CNTN5: variants seen among roughly 807,000 people sequenced by gnomAD.
CNTN5 encodes the protein contactin-5.
In CNTN5, 77 loss-of-function variants were observed where a neutral mutation model predicts 129.1. The observed-to-expected ratio is 0.60, with a 90% confidence interval of 0.50 to 0.72. The LOEUF (loss-of-function observed/expected upper bound fraction) is 0.72, where lower values mean the gene tolerates loss of function less well. CNTN5 is among the 30% of genes least tolerant of loss of function. The probability of loss-of-function intolerance (pLI) is 0.00; values close to 1 mark genes in which losing one functional copy is unlikely to be tolerated. For missense variants in CNTN5, 1,478 were observed against 1,328.8 expected, an observed-to-expected ratio of 1.11 and a Z score of -1.75; for synonymous variants, 509 against 465.6, an observed-to-expected ratio of 1.09 and a Z score of -1.20.
chr11:99,446,085 TA>T (rs35641117), intron 2 of CNTN5, among the ~76,000 whole-genome samples: 31 of 134,888 alleles, frequency 2.3e-4, no homozygotes, highest in Middle Eastern at 3.8e-3. Context: ...ACTTTGTCAT[TA>T]AAAAAAAAAA....
chr11:99,964,363 A>G (rs1023875581), intron 8 of CNTN5, among the ~76,000 whole-genome samples: 4 of 152,164 alleles, frequency 2.6e-5, no homozygotes, highest in Non-Finnish European at 4.4e-5. Context: ...AGTTTTTAGC[A>G]TGAAGATTGT....
intron 1 of CNTN5, among the ~76,000 whole-genome samples, chr11:99,086,735 A>T (rs2135302291): frequency 6.6e-6 from 1 of 152,282 alleles, no homozygotes; most frequent in Middle Eastern, 3.4e-3. Context: ...TATATATGAG[A>T]TCTGTTTTGA....
chr11:99,253,216 C>T (rs930956893), intron 1 of CNTN5, among the ~76,000 whole-genome samples: 1 of 151,936 alleles, frequency 6.6e-6, no homozygotes, highest in African/African-American at 2.4e-5. Flanking sequence ...TTGGAGTTCC[C>T]CTGCACCAGC....
chr11:99,327,561 T>C (rs1398536400), intron 2 of CNTN5, among the ~76,000 whole-genome samples: 1 of 152,156 alleles, frequency 6.6e-6, no homozygotes, highest in Non-Finnish European at 1.5e-5. Context: ...TCCTTCCAAC[T>C]AATTGAAAAG....
At chr11:99,580,987 C>A (rs946067869) in intron 3 of CNTN5, among the ~76,000 whole-genome samples, 6 of 141,642 alleles carry the variant, frequency 4.2e-5, no homozygotes, top group African/African-American at 1.6e-4. Context: ...AAATTTCCCT[C>A]TACACACTGC....
At chr11:100,021,239 TG>T (rs1476662154) in intron 9 of CNTN5, among the ~76,000 whole-genome samples, 6 of 152,192 alleles carry the variant, frequency 3.9e-5, no homozygotes, top group African/African-American at 1.4e-4. Flanking sequence ...ACAAAGAATT[TG>T]TTGTATTTTG....
chr11:99,999,525 G>A (rs1442148663), intron 8 of CNTN5, among the ~76,000 whole-genome samples: 1 of 152,196 alleles, frequency 6.6e-6, no homozygotes, highest in African/African-American at 2.4e-5. Flanking sequence ...TGGAGAGGAT[G>A]TGGAGAAACA....
At chr11:99,750,760 TA>T (rs544683741) in intron 3 of CNTN5, among the ~76,000 whole-genome samples, 90 of 152,336 alleles carry the variant, frequency 5.9e-4, no homozygotes, top group African/African-American at 1.6e-3. Flanking sequence ...AATATCTTTC[TA>T]AACATAATCT....
rs1252178822 is a variant in CNTN5 at position 99,923,387 on chromosome 11, G to A, written c.673+7238G>A. 5.3e-5 allele frequency among the ~76,000 whole-genome samples: 8 copies of A among 152,222 alleles called. No individual in the cohort carries two copies. The East Asian group carries it at 1.5e-3, about 29-fold the overall frequency. ...AATTGAGGGTTATATTGTAAAGGAA[G>A]GCTTTGTGAAAATGTAGAAATAGCC... On this transcript the variant is annotated intron_variant, in intron 7 of 24. Coordinates refer to ENST00000524871, the MANE Select transcript of CNTN5 (RefSeq NM_014361.4).
intron 1 of CNTN5, among the ~76,000 whole-genome samples, chr11:99,247,352 C>T (rs1001042646): frequency 2.6e-5 from 4 of 152,034 alleles, no homozygotes; most frequent in Admixed American, 2.0e-4. Context: ...AAAGACTCTA[C>T]TCCAAAGTCT....
chr11:99,777,095 A>G (rs1591152168), intron 3 of CNTN5, among the ~76,000 whole-genome samples: 1 of 151,930 alleles, frequency 6.6e-6, no homozygotes, highest in African/African-American at 2.4e-5. Context: ...ATATTTGATT[A>G]TTATTATAAC....
chr11:99,728,770 A>C (rs1476178864), intron 3 of CNTN5, among the ~76,000 whole-genome samples: 1 of 152,136 alleles, frequency 6.6e-6, no homozygotes, highest in African/African-American at 2.4e-5. Context: ...AGGGGAGCAA[A>C]AAGTCTGAGG....
At chr11:100,031,226 T>C (rs1014402001) in intron 9 of CNTN5, among the ~76,000 whole-genome samples, 1 of 152,118 alleles carries the variant, frequency 6.6e-6, no homozygotes, top group Admixed American at 6.5e-5. Context: ...TGCTACGGAA[T>C]AAAAGATGAA....
At chr11:99,284,540 G>C (rs1033768066) in intron 1 of CNTN5, among the ~76,000 whole-genome samples, 2 of 150,232 alleles carry the variant, frequency 1.3e-5, no homozygotes, top group Admixed American at 6.7e-5. Flanking sequence ...TAGGACCTTA[G>C]GAACTCAGCT....
Position 100,241,312 on chromosome 11 carries a change from AAAGTGTCTAC to A in CNTN5, c.2006-14435_2006-14426del, listed in dbSNP as rs139490464. On this transcript the variant is annotated intron_variant, in intron 16 of 24. Coordinates refer to ENST00000524871, the MANE Select transcript of CNTN5 (RefSeq NM_014361.4). ...GCATTACTTTTATAGTGGACTATAT[AAAGTGTCTAC>A]AAGTGTCTACAACTTCAACTCATGT... 3.7e-3 allele frequency among the ~76,000 whole-genome samples: 561 copies of A among 152,330 alleles called. 16 individuals carry two copies. In the East Asian group the frequency reaches 0.05, roughly 13 times the overall value.
intron 1 of CNTN5, among the ~76,000 whole-genome samples, chr11:99,124,697 T>G (rs1478767306): frequency 6.6e-6 from 1 of 151,470 alleles, no homozygotes; most frequent in Non-Finnish European, 1.5e-5. Flanking sequence ...TTGAAAACAT[T>G]AATAAGATAG....
chr11:99,551,910 C>CTA (rs1555024984), intron 2 of CNTN5, among the ~76,000 whole-genome samples: 1 of 139,942 alleles, frequency 7.1e-6, no homozygotes, highest in African/African-American at 2.6e-5. Flanking sequence ...TGAGTTTTTT[C>CTA]TTTTTTTTTT....
chr11:99,339,299 T>C (rs1423774869), intron 2 of CNTN5, among the ~76,000 whole-genome samples: 1 of 152,192 alleles, frequency 6.6e-6, no homozygotes, highest in Non-Finnish European at 1.5e-5. Context: ...AAGTGATGAA[T>C]GTCTTGGCAG....
intron 23 of CNTN5, among the ~76,000 whole-genome samples, chr11:100,342,840 G>GA (rs1316795619): frequency 7.9e-5 from 12 of 152,106 alleles, no homozygotes; most frequent in Non-Finnish European, 1.5e-4. Context: ...TTGCTTAGAG[G>GA]AAAAAATATC....
Sources: allele counts gnomAD v4.1 joint callset (sites outside exome capture counted in the v4.1 genomes callset), GRCh38; gene constraint gnomAD v4.1.1; transcripts MANE v1.5; gene names NCBI Gene and HGNC (gene_info 2026-07-23, HGNC 2026-07-21).